The following ACTN1 variants were observed in gnomAD, a reference collection of about 807,000 sequenced individuals.
The protein encoded by ACTN1 is actinin alpha 1.
ACTN1 carries 30 observed loss-of-function variants against 119.6 expected under a neutral mutation model. That is an observed-to-expected ratio of 0.25 (90% confidence interval 0.19 to 0.34). ACTN1 has a LOEUF of 0.34. Among genes scored for constraint, ACTN1 ranks in the 10% least tolerant of loss-of-function variants. The pLI is 1.00. For synonymous variants in ACTN1, 429 were observed against 472.6 expected, an observed-to-expected ratio of 0.91 and a Z score of 1.20; for missense variants, 764 against 1,223.4, an observed-to-expected ratio of 0.62 and a Z score of 5.60.
At chr14:68,910,472 A>G (rs1339058517) in intron 4 of ACTN1, among the ~76,000 whole-genome samples, 1 of 152,144 alleles carries the variant, frequency 6.6e-6, no homozygotes, top group Admixed American at 6.5e-5. Context: ...GTGAGAAGAA[A>G]GCATTAGGAC....
chr14:68,904,868 A>C, intron 6 of ACTN1, 132 bp from the exon 7 acceptor site: 1 of 673,138 alleles, frequency 1.5e-6, no homozygotes, highest in Non-Finnish European at 2.6e-6. Context: ...TCCTCAGGGG[A>C]CAGCTCCAGA....
At chr14:68,944,729 G>A (rs574544169) in intron 1 of ACTN1, among the ~76,000 whole-genome samples, 1 of 152,118 alleles carries the variant, frequency 6.6e-6, no homozygotes, top group African/African-American at 2.4e-5. Flanking sequence ...AGGCTGGGGA[G>A]TATTAGATGA....
At chr14:68,903,536 C>CA (rs34115577) in intron 7 of ACTN1, among the ~76,000 whole-genome samples, 22,735 of 121,012 alleles carry the variant, frequency 0.19, 2,565 homozygotes, top group East Asian at 0.64. Flanking sequence ...GACCCCGTCT[C>CA]AAAAAAAAAA....
chr14:68,887,218 G>A, intron 11 of ACTN1: 1 of 255,660 alleles, frequency 3.9e-6, no homozygotes, highest in Non-Finnish European at 7.6e-6. Flanking sequence ...GTTCACAACT[G>A]AATAGCACGT....
chr14:68,916,412 C>G (rs755793702), intron 3 of ACTN1, among the ~76,000 whole-genome samples: 3 of 152,222 alleles, frequency 2.0e-5, no homozygotes, highest in Non-Finnish European at 4.4e-5. Flanking sequence ...TCCCCAGAAA[C>G]TCCCCAGAGA....
At chr14:68,934,878 T>A (rs545957724) in intron 1 of ACTN1, among the ~76,000 whole-genome samples, 1 of 152,298 alleles carries the variant, frequency 6.6e-6, no homozygotes, top group East Asian at 1.9e-4. Flanking sequence ...AGTTTAAAAC[T>A]ATGTGGGCAA....
rs762606594 is a variant in ACTN1, at chr14:68,902,470, C to T, written c.762+7G>A. On this transcript the variant is annotated splice_region_variant and intron_variant, in intron 8 of 21. Coordinates refer to ENST00000394419, the MANE Select transcript of ACTN1 (RefSeq NM_001130004.2). ...TGGGCATGGAAGGAGCAGGGGGCCC[C>T]GGGTACCTTCTGGGCTCCAGAGAAG... 1.9e-6 allele frequency: 3 copies of T among 1,613,232 alleles called. No individual in the cohort carries two copies. The highest frequency in any genetic ancestry group is 1.7e-5 in the Admixed American group (1 of 59,948).
At chr14:68,894,515 G>A (rs540562912) in intron 8 of ACTN1, among the ~76,000 whole-genome samples, 1 of 152,330 alleles carries the variant, frequency 6.6e-6, no homozygotes, top group East Asian at 1.9e-4. Flanking sequence ...TAGTGGGAGA[G>A]CGCCTTCTGC....
intron 1 of ACTN1, among the ~76,000 whole-genome samples, chr14:68,937,989 C>G (rs1265321407): frequency 1.3e-5 from 2 of 152,232 alleles, no homozygotes; most frequent in East Asian, 3.9e-4. Flanking sequence ...TCCCTCTGAC[C>G]CCCATACAAG....
chr14:68,975,672 G>C (rs185760812), intron 1 of ACTN1, among the ~76,000 whole-genome samples: 26 of 152,330 alleles, frequency 1.7e-4, no homozygotes, highest in African/African-American at 5.1e-4. Context: ...TGACTTCAGA[G>C]CCCAGCCTCA....
chr14:68,931,865 C>T (rs927051717), intron 1 of ACTN1, among the ~76,000 whole-genome samples: 5 of 152,094 alleles, frequency 3.3e-5, no homozygotes, highest in Admixed American at 2.0e-4. Context: ...GTGCTACCTG[C>T]GGCTGAAGGC....
At chr14:68,934,146 C>T (rs1322545454) in intron 1 of ACTN1, among the ~76,000 whole-genome samples, 1 of 152,192 alleles carries the variant, frequency 6.6e-6, no homozygotes, top group Non-Finnish European at 1.5e-5. Context: ...AACATGAAAG[C>T]TTTCTAAGTC....
rs766411069 is a variant in ACTN1 at position 68,878,887 on chromosome 14, G to A, written c.2361+102C>T. ...AGGACGAGCCCCATGGCCCACAGGA[G>A]GGGGACAGGAGATCCAGACAGAGAG... On this transcript the variant is annotated intron_variant, in intron 19 of 21. Transcript: ENST00000394419. This position sits in a 1 kb window ranked among gnomAD's most constrained non-coding sequence, Gnocchi z 4.4. The A allele has an allele frequency of 3.1e-6, 5 of 1,600,244 alleles. No homozygotes were observed. Among genetic ancestry groups the A allele is most frequent in the Non-Finnish European group, 4.2e-6 (5 of 1,178,302 alleles).
chr14:68,894,133 G>C (rs982612825), intron 8 of ACTN1, among the ~76,000 whole-genome samples: 4 of 152,238 alleles, frequency 2.6e-5, no homozygotes, highest in Non-Finnish European at 5.9e-5. Flanking sequence ...GGAACTGCAA[G>C]GCTTAGGACC....
At chr14:68,964,289 A>C (rs1179580130) in intron 1 of ACTN1, among the ~76,000 whole-genome samples, 1 of 152,188 alleles carries the variant, frequency 6.6e-6, no homozygotes, top group African/African-American at 2.4e-5. Flanking sequence ...ACTTTCCCTC[A>C]AAAAACAGGA....
At chr14:68,903,170 G>A (rs1350036779) in intron 7 of ACTN1, among the ~76,000 whole-genome samples, 1 of 152,214 alleles carries the variant, frequency 6.6e-6, no homozygotes, top group Non-Finnish European at 1.5e-5. Flanking sequence ...CAAGACCTCA[G>A]TAGCCATTCT....
chr14:68,882,408 C>T lies in ACTN1; in HGVS notation c.1953+50G>A, dbSNP rs1338971874. The T allele has an allele frequency of 3.2e-5, 37 of 1,140,702 alleles. No homozygotes were observed. Among genetic ancestry groups the T allele is most frequent in the East Asian group, 1.5e-4 (4 of 26,246 alleles). The allele number at this position is 1,140,702 out of a possible 1,614,324, so 70.7% of individuals were successfully genotyped here. Reference sequence around the variant, plus strand: ...GCAGCCTGGCTGGCTAGGATAGTGTCGGGGGGGAGGGGTGGGAGCCCCAGC... The same window carrying T: ...GCAGCCTGGCTGGCTAGGATAGTGTTGGGGGGGAGGGGTGGGAGCCCCAGC... On this transcript the variant is annotated intron_variant, in intron 16 of 21. Coordinates refer to ENST00000394419, the MANE Select transcript of ACTN1 (RefSeq NM_001130004.2). This position sits in a 1 kb window ranked among gnomAD's most constrained non-coding sequence, Gnocchi z 4.5.
intron 1 of ACTN1, among the ~76,000 whole-genome samples, chr14:68,952,849 A>T (rs1309597894): frequency 6.6e-6 from 1 of 152,116 alleles, no homozygotes; most frequent in Non-Finnish European, 1.5e-5. Flanking sequence ...CCCCAAATGG[A>T]AAGTGTGGAT....
chr14:68,922,858 G>T (rs140354584), intron 2 of ACTN1, among the ~76,000 whole-genome samples: 2 of 152,172 alleles, frequency 1.3e-5, no homozygotes, highest in East Asian at 1.9e-4. Context: ...TTCTGGTGTG[G>T]GTAGTCCAAG....
Sources: allele counts gnomAD v4.1 joint callset (sites outside exome capture counted in the v4.1 genomes callset), GRCh38; gene constraint gnomAD v4.1.1; non-coding constraint Gnocchi (gnomAD v3.1); transcripts MANE v1.5; gene names NCBI Gene and HGNC (gene_info 2026-07-23, HGNC 2026-07-21).